CPQ: variants seen among roughly 807,000 people sequenced by gnomAD.
CPQ encodes carboxypeptidase Q, also known as Ser-Met dipeptidase.
Under a neutral mutation model 45.7 loss-of-function variants are expected in CPQ, and 37 were observed. The observed-to-expected ratio is 0.81, with a 90% confidence interval of 0.62 to 1.07. The LOEUF (loss-of-function observed/expected upper bound fraction) is 1.07, where lower values mean the gene tolerates loss of function less well. CPQ is among the 50% of genes least tolerant of loss of function. The probability of loss-of-function intolerance (pLI) is 0.00; values close to 1 mark genes in which losing one functional copy is unlikely to be tolerated. For missense variants in CPQ, 537 were observed against 572.9 expected, an observed-to-expected ratio of 0.94 and a Z score of 0.64; for synonymous variants, 186 against 205.8, an observed-to-expected ratio of 0.90 and a Z score of 0.82.
intron 5 of CPQ, among the ~76,000 whole-genome samples, chr8:96,969,230 C>G (rs1813621529): frequency 6.6e-6 from 1 of 152,154 alleles, no homozygotes; most frequent in Non-Finnish European, 1.5e-5. Context: ...AAATGTTGAG[C>G]CTCCTGACTG....
chr8:96,854,558 A>ACACC lies in CPQ; in HGVS notation c.641+19378_641+19379insCACC, dbSNP rs1563513707. On this transcript the variant is annotated intron_variant, in intron 3 of 7. Transcript: ENST00000220763. Reference sequence around the variant, plus strand: ...AAAAAAAAAAAAAAAAAAAAAAAAAAATGTGGTGGAACTAAAAGCCCAGTA... The same window carrying ACACC: ...AAAAAAAAAAAAAAAAAAAAAAAAAACACCATGTGGTGGAACTAAAAGCCCAGTA... Among the ~76,000 whole-genome samples, 2 of 46,418 alleles carry ACACC rather than the reference A, an allele frequency of 4.3e-5. 1 individual carries two copies. Among genetic ancestry groups the ACACC allele is most frequent in the Non-Finnish European group, 1.0e-4 (2 of 19,108 alleles). The allele number at this position is 46,418 out of a possible 152,430, so 30.5% of individuals were successfully genotyped here.
intron 5 of CPQ, among the ~76,000 whole-genome samples, chr8:96,997,587 T>A (rs1467447078): frequency 6.6e-6 from 1 of 151,952 alleles, no homozygotes; most frequent in African/African-American, 2.4e-5. Context: ...TAAAAAAAAA[T>A]TTCAGGAGAA....
chr8:96,914,677 G>A (rs1812708749), intron 4 of CPQ, among the ~76,000 whole-genome samples: 1 of 152,050 alleles, frequency 6.6e-6, no homozygotes. Flanking sequence ...TACAGTAAGG[G>A]ACTTTGTTCG....
chr8:96,720,668 A>G (rs934733336), intron 1 of CPQ, among the ~76,000 whole-genome samples: 1 of 151,694 alleles, frequency 6.6e-6, no homozygotes, highest in South Asian at 2.1e-4. Flanking sequence ...TTACTATAAA[A>G]GAGATTTTTA....
At chr8:97,117,646 C>T (rs894536041) in intron 7 of CPQ, among the ~76,000 whole-genome samples, 1 of 152,192 alleles carries the variant, frequency 6.6e-6, no homozygotes. Context: ...AATCCCCCTG[C>T]CTCAGCCTCC....
At chr8:96,713,657 C>T (rs1484507188) in intron 1 of CPQ, among the ~76,000 whole-genome samples, 1 of 152,140 alleles carries the variant, frequency 6.6e-6, no homozygotes, top group Non-Finnish European at 1.5e-5. Flanking sequence ...CACTGGGTTC[C>T]TTCCACAGTG....
At chr8:96,665,605 G>T (rs1808910388) in intron 1 of CPQ, among the ~76,000 whole-genome samples, 1 of 152,128 alleles carries the variant, frequency 6.6e-6, no homozygotes, top group Non-Finnish European at 1.5e-5. Context: ...AACCAAGATG[G>T]GATTAAACCA....
At chr8:96,701,311 G>A (rs763750165) in intron 1 of CPQ, among the ~76,000 whole-genome samples, 19 of 152,208 alleles carry the variant, frequency 1.2e-4, no homozygotes, top group Non-Finnish European at 2.2e-4. Context: ...TCTAGGAAGC[G>A]TCTAGTGTGA....
At chr8:96,645,581 G>A (rs946427031) in intron 1 of CPQ, among the ~76,000 whole-genome samples, 179 bp downstream of exon 1, 6 of 152,170 alleles carry the variant, frequency 3.9e-5, no homozygotes, top group Non-Finnish European at 5.9e-5. Context: ...GGAGCGGCGG[G>A]TTGGGAGCCT....
intron 2 of CPQ, among the ~76,000 whole-genome samples, chr8:96,830,431 G>C (rs1028690170): frequency 2.0e-5 from 3 of 152,058 alleles, no homozygotes; most frequent in Non-Finnish European, 4.4e-5. Flanking sequence ...GTCAGCAGCT[G>C]TTGTCTGTGC....
intron 6 of CPQ, among the ~76,000 whole-genome samples, chr8:97,064,435 C>T (rs1180568125): frequency 6.6e-6 from 1 of 152,162 alleles, no homozygotes. Context: ...ATGATGCTAC[C>T]ATAATGCAGT....
intron 3 of CPQ, among the ~76,000 whole-genome samples, chr8:96,866,511 A>G (rs1427607512): frequency 6.6e-6 from 1 of 152,100 alleles, no homozygotes; most frequent in Non-Finnish European, 1.5e-5. Flanking sequence ...CGGAGAATTG[A>G]TTAAATATTT....
At chr8:97,001,721 C>CTTTTTTTTTTTT (rs61282246) in intron 5 of CPQ, among the ~76,000 whole-genome samples, 751 of 92,042 alleles carry the variant, frequency 8.2e-3, no homozygotes, top group East Asian at 0.013. Context: ...TTCTTTCTTT[C>CTTTTTTTTTTTT]TTTTTTTTTT....
intron 6 of CPQ, among the ~76,000 whole-genome samples, chr8:97,060,893 C>T (rs1810539159): frequency 6.6e-6 from 1 of 152,132 alleles, no homozygotes; most frequent in African/African-American, 2.4e-5. Flanking sequence ...CCAGTGACAG[C>T]TATTCATTCC....
intron 3 of CPQ, among the ~76,000 whole-genome samples, chr8:96,861,128 A>G (rs1242945060): frequency 6.6e-6 from 1 of 152,182 alleles, no homozygotes; most frequent in Non-Finnish European, 1.5e-5. Context: ...AGAAAAATGA[A>G]TAAGACTGTG....
intron 7 of CPQ, among the ~76,000 whole-genome samples, chr8:97,116,956 G>A (rs1431635486): frequency 6.6e-6 from 1 of 152,228 alleles, no homozygotes; most frequent in Non-Finnish European, 1.5e-5. Context: ...CCAGTAGTTT[G>A]TGGGTAGATT....
chr8:97,054,289 A>G (rs28517484), intron 6 of CPQ, among the ~76,000 whole-genome samples: 2,139 of 152,270 alleles, frequency 0.014, 51 homozygotes, highest in African/African-American at 0.049. Flanking sequence ...GTTGTCGTGG[A>G]TGTGGTGAAA....
At chr8:97,019,695 A>G (rs1295185766) in intron 5 of CPQ, among the ~76,000 whole-genome samples, 1 of 152,182 alleles carries the variant, frequency 6.6e-6, no homozygotes, top group African/African-American at 2.4e-5. Flanking sequence ...ATATATATGC[A>G]CCTAACACTG....
chr8:97,086,345 T>C (rs1275086660), intron 7 of CPQ, among the ~76,000 whole-genome samples: 1 of 152,156 alleles, frequency 6.6e-6, no homozygotes, highest in Non-Finnish European at 1.5e-5. Flanking sequence ...TACAGTATAT[T>C]CATTATTTTA....
Sources: gnomAD v4.1 joint callset for allele counts (sites outside exome capture counted in the v4.1 genomes callset) on GRCh38, gnomAD v4.1.1 for gene constraint, MANE v1.5 for transcripts, NCBI Gene and HGNC (gene_info 2026-07-23, HGNC 2026-07-21) for gene names.